The following CSNK1G1 variants were observed in gnomAD, a reference collection of about 807,000 sequenced individuals.
CSNK1G1 encodes the protein casein kinase I isoform gamma-1.
Under a neutral mutation model 59.6 loss-of-function variants are expected in CSNK1G1, and 22 were observed. The ratio of observed to expected loss-of-function variants is 0.37; its 90% CI spans 0.26 to 0.53. CSNK1G1 has a LOEUF of 0.53. Ranked by LOEUF, CSNK1G1 falls within the 20% of genes least tolerant of loss-of-function variation. The pLI is 0.89. For synonymous variants in CSNK1G1, 179 were observed against 177.1 expected (o/e 1.01, Z -0.08); for missense variants, 384 against 519.5 (o/e 0.74, Z 2.54).
chr15:64,342,877 C>A (rs1484830243), intron 1 of CSNK1G1, among the ~76,000 whole-genome samples: 1 of 152,080 alleles, frequency 6.6e-6, no homozygotes, highest in Non-Finnish European at 1.5e-5. Context: ...GATTGCTGGA[C>A]CCCAGTCTAG....
intron 2 of CSNK1G1, among the ~76,000 whole-genome samples, chr15:64,272,275 G>A (rs1478251480): frequency 6.6e-6 from 1 of 151,744 alleles, no homozygotes; most frequent in African/African-American, 2.4e-5. Flanking sequence ...GAGTGCAGTG[G>A]CGCAATCTCG....
At chr15:64,325,818 G>A (rs1332009896) in intron 1 of CSNK1G1, among the ~76,000 whole-genome samples, 1 of 152,106 alleles carries the variant, frequency 6.6e-6, no homozygotes, top group African/African-American at 2.4e-5. Context: ...GTAAGTAATT[G>A]GCCTAATACT....
rs2081811076 is a variant in CSNK1G1 at position 64,181,363 on chromosome 15, T to TGGGTGCTG, written c.1108-917_1108-910dup. The TGGGTGCTG allele has an allele frequency of 2.0e-6, 3 of 1,535,934 alleles. No individual in the cohort carries two copies. In the African/African-American group the frequency reaches 4.1e-5, roughly 21 times the overall value. On this transcript the variant is annotated intron_variant, in intron 10 of 11. Transcript: ENST00000303052. ...TTCCAGCACATTATTCCTGTTTATG[T>TGGGTGCTG]GGGTGCTGGGAAGTGGGAAAAGGGG...
intron 4 of CSNK1G1, among the ~76,000 whole-genome samples, chr15:64,229,306 C>T (rs754052895): frequency 2.0e-5 from 3 of 152,256 alleles, no homozygotes; most frequent in Admixed American, 2.0e-4. Context: ...GTGGAAAGTA[C>T]CATTTCCCCA....
chr15:64,258,359 G>A (rs1257747610), intron 3 of CSNK1G1, among the ~76,000 whole-genome samples: 1 of 151,148 alleles, frequency 6.6e-6, no homozygotes, highest in African/African-American at 2.4e-5. Flanking sequence ...CTCCAGCCTG[G>A]GCAACACTGT....
chr15:64,199,414 A>G (rs1450868578), intron 10 of CSNK1G1, among the ~76,000 whole-genome samples: 1 of 152,154 alleles, frequency 6.6e-6, no homozygotes, highest in Non-Finnish European at 1.5e-5. Flanking sequence ...TTTTCATTTA[A>G]AAGTACATTG....
intron 11 of CSNK1G1, among the ~76,000 whole-genome samples, chr15:64,173,194 A>G (rs922806746): frequency 7.9e-5 from 12 of 152,228 alleles, no homozygotes; most frequent in Non-Finnish European, 1.6e-4. Context: ...TACTTCCCAT[A>G]CCCCTAGGTA....
chr15:64,236,646 T>C (rs2140298703), intron 4 of CSNK1G1, among the ~76,000 whole-genome samples: 1 of 152,314 alleles, frequency 6.6e-6, no homozygotes, highest in South Asian at 2.1e-4. Context: ...ATAACAGATG[T>C]TAGCAAGGAT....
intron 1 of CSNK1G1, among the ~76,000 whole-genome samples, chr15:64,305,979 C>T (rs77942594): frequency 0.02 from 3,110 of 152,072 alleles, 118 homozygotes; most frequent in African/African-American, 0.071. Flanking sequence ...TTACATCTTT[C>T]GCAAAAATAA....
chr15:64,314,990 C>T, intron 1 of CSNK1G1, among the ~76,000 whole-genome samples: 1 of 152,142 alleles, frequency 6.6e-6, no homozygotes, highest in Non-Finnish European at 1.5e-5. Context: ...TGGATAAATA[C>T]CCAGAAGTGG....
intron 4 of CSNK1G1, among the ~76,000 whole-genome samples, chr15:64,218,676 A>G (rs1178812607): frequency 6.6e-6 from 1 of 152,058 alleles, no homozygotes; most frequent in Non-Finnish European, 1.5e-5. Flanking sequence ...GGCGAGAGCT[A>G]CCATGCCCGG....
At chr15:64,234,454 C>T (rs1296619610) in intron 4 of CSNK1G1, among the ~76,000 whole-genome samples, 1 of 152,112 alleles carries the variant, frequency 6.6e-6, no homozygotes, top group Non-Finnish European at 1.5e-5. Flanking sequence ...AGATGAGCTA[C>T]CTCACTTAAC....
intron 3 of CSNK1G1, among the ~76,000 whole-genome samples, chr15:64,253,324 G>A (rs1015575319): frequency 3.9e-5 from 6 of 152,082 alleles, no homozygotes; most frequent in East Asian, 1.9e-4. Flanking sequence ...CAGCCTGGGC[G>A]ACAGAGTGAG....
chr15:64,170,124 TTTCTC>T lies in CSNK1G1; in HGVS notation c.*1802_*1806del, dbSNP rs2081647651. 1 of 152,232 alleles carries T rather than the reference TTTCTC, an allele frequency of 6.6e-6. No individual in the cohort carries two copies. The highest frequency in any genetic ancestry group is 2.4e-5 in the African/African-American group (1 of 41,454). The allele number at this position is 152,232 out of a possible 1,614,324, so 9.4% of individuals were successfully genotyped here. ...ACCTCTTTCCTGATGTAAATGACCC[TTTCTC>T]TTCTGTCACCGCTGGAATGAGGAGT... is the stretch of plus-strand genomic sequence containing the variant. On this transcript the variant is annotated 3_prime_UTR_variant, in exon 12 of 12. Transcript: ENST00000303052.
chr15:64,179,145 C>T (rs1567357129), intron 11 of CSNK1G1, among the ~76,000 whole-genome samples: 2 of 140,820 alleles, frequency 1.4e-5, no homozygotes, highest in Non-Finnish European at 3.0e-5. Flanking sequence ...CTTTGGGAGA[C>T]TGAGGCAGGA....
intron 4 of CSNK1G1, among the ~76,000 whole-genome samples, chr15:64,249,070 C>T (rs989407224): frequency 1.3e-5 from 2 of 152,086 alleles, no homozygotes; most frequent in Non-Finnish European, 2.9e-5. Context: ...TGCAGTGAGC[C>T]GAGATAGTGC....
intron 4 of CSNK1G1, among the ~76,000 whole-genome samples, chr15:64,240,185 G>C (rs1260585766): frequency 6.6e-6 from 1 of 152,254 alleles, no homozygotes; most frequent in Non-Finnish European, 1.5e-5. Flanking sequence ...AGTGAGCTAA[G>C]ATTGTGCCAC....
chr15:64,330,399 A>C (rs1897058403), intron 1 of CSNK1G1, among the ~76,000 whole-genome samples: 1 of 151,646 alleles, frequency 6.6e-6, no homozygotes, highest in Non-Finnish European at 1.5e-5. Flanking sequence ...GCAATCCAGC[A>C]TATAAACAGA....
intron 3 of CSNK1G1, 62 bp downstream of exon 3, chr15:64,259,139 A>G (rs1892552615): frequency 7.2e-7 from 1 of 1,383,804 alleles, no homozygotes; most frequent in Admixed American, 2.3e-5. Flanking sequence ...ACTATTTCCT[A>G]TAAAAAGATA....
Sources: allele counts gnomAD v4.1 joint callset (sites outside exome capture counted in the v4.1 genomes callset), GRCh38; gene constraint gnomAD v4.1.1; transcripts MANE v1.5; gene names NCBI Gene and HGNC (gene_info 2026-07-23, HGNC 2026-07-21).